Variants in LDLRAP1 observed in about 807,000 individuals in gnomAD.
LDLRAP1 encodes low density lipoprotein receptor adaptor protein 1.
LDLRAP1 carries 30 observed loss-of-function variants against 37.8 expected under a neutral mutation model. The ratio of observed to expected loss-of-function variants is 0.79; its 90% CI spans 0.59 to 1.08. LDLRAP1 has a LOEUF of 1.08. Ranked by LOEUF, LDLRAP1 falls within the 50% of genes least tolerant of loss-of-function variation. LDLRAP1 has a pLI of 0.00. For missense variants in LDLRAP1, 375 were observed against 401.6 expected, an observed-to-expected ratio of 0.93 and a Z score of 0.57; for synonymous variants, 156 against 169.8, an observed-to-expected ratio of 0.92 and a Z score of 0.63.
At position 25,554,001 on chromosome 1, in the gene LDLRAP1, G is replaced by A. The variant is rs756472955; in HGVS notation, c.168G>A (p.Thr56=). The A allele has an allele frequency of 3.5e-5, 56 of 1,613,992 alleles. No homozygotes were observed. The highest frequency in any genetic ancestry group is 4.4e-5 in the Non-Finnish European group (52 of 1,180,032). Residue 56 remains threonine, a synonymous_variant, in exon 2 of 9, where the codon ACG becomes ACA. Coordinates refer to ENST00000374338, the MANE Select transcript of LDLRAP1 (RefSeq NM_015627.3). This position sits in a 1 kb window ranked among gnomAD's most constrained non-coding sequence, Gnocchi z 5.4. ...MLFSLKYLGM[T]LVEQPKGEEL... is the part of the protein sequence containing the mutation. ...TCAGCCTCAAGTACCTGGGCATGAC[G>A]CTAGTGGAGCAGCCCAAGGGTGAGG...
intron 8 of LDLRAP1, among the ~76,000 whole-genome samples, chr1:25,566,600 T>G (rs915675517): frequency 1.4e-5 from 2 of 147,776 alleles, no homozygotes; most frequent in Non-Finnish European, 3.0e-5. Context: ...CTGACTGAGC[T>G]GGGGCACAGA....
At chr1:25,546,469 A>G (rs1284103196) in intron 1 of LDLRAP1, among the ~76,000 whole-genome samples, 2 of 152,192 alleles carry the variant, frequency 1.3e-5, no homozygotes, top group Non-Finnish European at 1.5e-5. Context: ...CTGACCTTGA[A>G]AGAGGGCTCT....
chr1:25,572,826 G>T (rs1040208629), downstream of LDLRAP1, among the ~76,000 whole-genome samples: 1 of 152,164 alleles, frequency 6.6e-6, no homozygotes, highest in Non-Finnish European at 1.5e-5. Flanking sequence ...AGCATGTAAT[G>T]AGCACCAGCT....
chr1:25,585,554 T>C, the LDLRAP1 span, among the ~76,000 whole-genome samples: 1 of 152,190 alleles, frequency 6.6e-6, no homozygotes, highest in African/African-American at 2.4e-5. Flanking sequence ...CTCAATCTCC[T>C]GACCTTGTGA....
chr1:25,545,113 T>A (rs1223791873), intron 1 of LDLRAP1, among the ~76,000 whole-genome samples: 1 of 152,232 alleles, frequency 6.6e-6, no homozygotes, highest in Admixed American at 6.5e-5. Flanking sequence ...TTTATCACAC[T>A]GATTGCATCC....
At chr1:25,588,668 G>A in the LDLRAP1 span, among the ~76,000 whole-genome samples, 4 of 152,122 alleles carry the variant, frequency 2.6e-5, no homozygotes, top group East Asian at 5.8e-4. Context: ...CCCAGAGGCC[G>A]GCGTGGATCC....
rs1051565145 is a variant in LDLRAP1 at position 25,557,175 on chromosome 1, A to G, written c.367A>G (p.Lys123Glu). ...CAGGATCTCCTATTGCACAGCAGAC[A>G]AGATGCACGACAAGGTGTTTGCATA... ...IYRISYCTAD[K>E]MHDKVFAYIA... The change falls in exon 4 of 9, where the codon AAG becomes GAG. Residue 123 changes from lysine (K) to glutamate (E), a missense_variant. Coordinates refer to ENST00000374338, the MANE Select transcript of LDLRAP1 (RefSeq NM_015627.3). The G allele has an allele frequency of 6.2e-7, 1 of 1,614,166 alleles. No homozygotes were observed. The highest frequency in any genetic ancestry group is 8.5e-7 in the Non-Finnish European group (1 of 1,179,974).
chr1:25,555,014 G>T lies in LDLRAP1; in HGVS notation c.344+42G>T. ...GTTGGCCCATCCACTCTGCCACTTG[G>T]GGCAGTGGGTGGAGTATCCCATCTG... On this transcript the variant is annotated intron_variant, in intron 3 of 8. Transcript: ENST00000374338. This position sits in a 1 kb window ranked among gnomAD's most constrained non-coding sequence, Gnocchi z 4.7. 4 of 1,403,484 alleles carry T rather than the reference G, an allele frequency of 2.9e-6. No homozygotes were observed. Among genetic ancestry groups the T allele is most frequent in the Non-Finnish European group, 4.0e-6 (4 of 989,798 alleles). The allele number at this position is 1,403,484 out of a possible 1,614,324, so 86.9% of individuals were successfully genotyped here.
the LDLRAP1 span, among the ~76,000 whole-genome samples, chr1:25,586,839 T>C: frequency 1.4e-4 from 22 of 152,188 alleles, no homozygotes; most frequent in Non-Finnish European, 2.9e-4. The surrounding 1 kb of genome is among the most constrained non-coding windows in gnomAD (Gnocchi z 4.3). Context: ...AGCCCCAGCC[T>C]GAGCTGAACC....
the LDLRAP1 span, among the ~76,000 whole-genome samples, chr1:25,578,456 C>T: frequency 2.6e-5 from 4 of 152,052 alleles, no homozygotes; most frequent in African/African-American, 7.2e-5. Context: ...CATCACTAAC[C>T]CCGTTAGACA....
chr1:25,588,247 C>T, the LDLRAP1 span, among the ~76,000 whole-genome samples: 8 of 152,104 alleles, frequency 5.3e-5, no homozygotes, highest in Non-Finnish European at 1.5e-5. Context: ...AAGACCTGAC[C>T]GTCCCCCGGC....
downstream of LDLRAP1, among the ~76,000 whole-genome samples, chr1:25,570,682 A>G (rs112577719): frequency 3.8e-4 from 58 of 152,064 alleles, no homozygotes; most frequent in Middle Eastern, 3.4e-3. Flanking sequence ...ACACGGTGAA[A>G]CCCCGTCTCT....
chr1:25,557,416 C>G, intron 4 of LDLRAP1, 149 bp downstream of exon 4: 1 of 671,528 alleles, frequency 1.5e-6, no homozygotes. Flanking sequence ...AAGTGGGTGC[C>G]GAGAGCTAAG....
Position 25,543,669 on chromosome 1 carries a change from C to T in LDLRAP1, c.-30C>T, listed in dbSNP as rs915454651. 5.0e-6 allele frequency: 6 copies of T among 1,206,538 alleles called. No individual in the cohort carries two copies. Among genetic ancestry groups the T allele is most frequent in the Non-Finnish European group, 6.2e-6 (6 of 970,524 alleles). 74.7% of individuals were successfully genotyped at this position (1,206,538 alleles called of 1,614,324 possible). ...GTTTTTCCTGACGGAGTTTTGGCTG[C>T]GGCAGCGGCGGCGGCGGCCGGAGCG... On this transcript the variant is annotated 5_prime_UTR_variant, in exon 1 of 9. Transcript: ENST00000374338.
rs1044228660 is a variant in LDLRAP1 at position 25,554,247 on chromosome 1, G to A, written c.231+183G>A. ...GGAACCATTGGACTTGCAAGGTCACGGTTAGTGGCTTCCCTCCAGCCATTA... is the reference window on the plus strand; with the variant it reads ...GGAACCATTGGACTTGCAAGGTCACAGTTAGTGGCTTCCCTCCAGCCATTA... On this transcript the variant is annotated intron_variant, in intron 2 of 8. Coordinates refer to ENST00000374338, the MANE Select transcript of LDLRAP1 (RefSeq NM_015627.3). This position sits in a 1 kb window ranked among gnomAD's most constrained non-coding sequence, Gnocchi z 5.4. Among the ~76,000 whole-genome samples, 4 of 152,128 alleles carry A rather than the reference G, an allele frequency of 2.6e-5. No homozygotes were observed. Among genetic ancestry groups the A allele is most frequent in the Non-Finnish European group, 4.4e-5 (3 of 68,014 alleles).
At chr1:25,566,393 A>G (rs1309525932) in intron 8 of LDLRAP1, among the ~76,000 whole-genome samples, 2 of 152,202 alleles carry the variant, frequency 1.3e-5, no homozygotes, top group African/African-American at 2.4e-5. Context: ...GGAAGCTGCT[A>G]TAATTTACTT....
chr1:25,584,611 G>A, the LDLRAP1 span, among the ~76,000 whole-genome samples: 1 of 152,122 alleles, frequency 6.6e-6, no homozygotes, highest in Non-Finnish European at 1.5e-5. Context: ...TGGTTGAGAG[G>A]GGTCTTGGGT....
intron 1 of LDLRAP1, among the ~76,000 whole-genome samples, chr1:25,549,113 C>G (rs2044008460): frequency 6.6e-6 from 1 of 152,266 alleles, no homozygotes. Context: ...CTTTTGATAA[C>G]AATCTCAACA....
intron 4 of LDLRAP1, among the ~76,000 whole-genome samples, chr1:25,559,388 A>G (rs937509320): frequency 2.0e-5 from 3 of 152,134 alleles, no homozygotes; most frequent in African/African-American, 7.2e-5. Flanking sequence ...TGGTCAGAGA[A>G]CTTCACACAG....
Sources: allele counts gnomAD v4.1 joint callset (sites outside exome capture counted in the v4.1 genomes callset), GRCh38; gene constraint gnomAD v4.1.1; non-coding constraint Gnocchi (gnomAD v3.1); transcripts MANE v1.5; gene names NCBI Gene and HGNC (gene_info 2026-07-23, HGNC 2026-07-21).